PC: variants seen among roughly 807,000 people sequenced by gnomAD.
PC encodes pyruvate carboxylase.
A neutral mutation model predicts 107.8 loss-of-function variants in PC; 46 were observed. The ratio of observed to expected loss-of-function variants is 0.43; its 90% CI spans 0.34 to 0.55. The LOEUF (loss-of-function observed/expected upper bound fraction) is 0.55. PC is among the 20% of genes least tolerant of loss of function. The pLI is 0.04. For synonymous variants in PC, 662 were observed against 684.7 expected (o/e 0.97, Z 0.52); for missense variants, 1,241 against 1,643.1 (o/e 0.76, Z 4.23).
rs1440597243 is a variant in PC, at chr11:66,872,121, G to A, written c.39C>T (p.Leu13=). 1 of 1,579,494 alleles carries A rather than the reference G, an allele frequency of 6.3e-7. No homozygotes were observed. Among genetic ancestry groups the A allele is most frequent in the South Asian group, 1.2e-5 (1 of 86,134 alleles). ...KFRTVHGGLR[L]LGIRRTSTAP... ...CGGTGGAGGTTCGGCGGATTCCCAG[G>A]AGCCTCAGGCCCCCATGGACTGTTC... The change falls in exon 4 of 23, where the codon CTC becomes CTT. Residue 13 remains leucine (L), a synonymous_variant. Transcript: ENST00000393960.
intron 13 of PC, 98 bp downstream of exon 13, chr11:66,853,141 A>C: frequency 7.2e-7 from 1 of 1,394,138 alleles, no homozygotes; most frequent in Non-Finnish European, 9.9e-7. Flanking sequence ...GGGGGCACTA[A>C]GGAGTTCTTT....
rs1458364351 is a variant in PC at position 66,866,724 on chromosome 11, A to G, written c.1023-375T>C. 1.3e-5 allele frequency among the ~76,000 whole-genome samples: 2 copies of G among 152,170 alleles called. No homozygotes were observed. Among genetic ancestry groups the G allele is most frequent in the Non-Finnish European group, 2.9e-5 (2 of 68,022 alleles). On this transcript the variant is annotated intron_variant, in intron 10 of 22. Coordinates refer to ENST00000393960, the MANE Select transcript of PC (RefSeq NM_001040716.2). The surrounding 1 kb of genome is among the most constrained non-coding windows in gnomAD (Gnocchi z 5.4). ...CCACTCCCCTAAACTCCCCCTTGGT[A>G]AAGCCTAGATTTGAAGCCTCAGCAG...
Position 66,853,264 on chromosome 11 carries a change from C to G in PC, c.1488G>C (p.Arg496=). ...ELFQLRPAQN[R]AQKLLHYLGH... ...CGAGGTAGTGCAACAGCTTTTGGGC[C>G]CGGTTCTGTGCAGGCCGCAGCTGGA... Residue 496 remains arginine (R), a synonymous_variant, in exon 13 of 23, where the codon CGG becomes CGC. Coordinates refer to ENST00000393960, the MANE Select transcript of PC (RefSeq NM_001040716.2). 1 of 1,613,940 alleles carries G rather than the reference C, an allele frequency of 6.2e-7. No individual in the cohort carries two copies. The highest frequency in any genetic ancestry group is 1.3e-5 in the African/African-American group (1 of 74,960).
At chr11:66,890,878 C>T (rs886530188) in intron 3 of PC, among the ~76,000 whole-genome samples, 13 of 151,942 alleles carry the variant, frequency 8.6e-5, no homozygotes, top group African/African-American at 2.9e-4. Context: ...TGAAGCTGGG[C>T]GACAGGTACA....
chr11:66,928,634 T>C (rs1948777051), intron 3 of PC, among the ~76,000 whole-genome samples: 1 of 152,116 alleles, frequency 6.6e-6, no homozygotes, highest in African/African-American at 2.4e-5. Flanking sequence ...CAAGCGATTC[T>C]CTGGTCTCAG....
chr11:66,872,178 G>A lies in PC; in HGVS notation c.1-19C>T, dbSNP rs778079075. 10 of 1,570,528 alleles carry A rather than the reference G, an allele frequency of 6.4e-6. No individual in the cohort carries two copies. In the Admixed American group the frequency reaches 1.9e-4, roughly 29 times the overall value. ...TCAGCATCTAGGGAGGGAAGTTAGA[G>A]CCCAGGTTAGCGCAGCCTCAGCACT... On this transcript the variant is annotated intron_variant, in intron 3 of 22. Transcript: ENST00000393960.
intron 1 of PC, chr11:66,957,908 G>A (rs1949606896): frequency 1.3e-5 from 2 of 152,270 alleles, no homozygotes; most frequent in Admixed American, 1.3e-4. Context: ...CATCCAGTAC[G>A]ATGGGGACAA....
At chr11:66,933,153 G>A (rs1167520647) in intron 3 of PC, among the ~76,000 whole-genome samples, 1 of 152,018 alleles carries the variant, frequency 6.6e-6, no homozygotes, top group Non-Finnish European at 1.5e-5. Context: ...TACCCTGAAG[G>A]TGTCTCTCTC....
Position 66,854,115 on chromosome 11 carries a change from A to G in PC, c.1369-732T>C, listed in dbSNP as rs540425533. On this transcript the variant is annotated intron_variant, in intron 12 of 22. Coordinates refer to ENST00000393960, the MANE Select transcript of PC (RefSeq NM_001040716.2). Reference sequence around the variant, plus strand: ...CTGCATCCCATCACCCTCATCACCCACTCCTCCCATGCCACTGGTCAAGCC... The same window carrying G: ...CTGCATCCCATCACCCTCATCACCCGCTCCTCCCATGCCACTGGTCAAGCC... Among the ~76,000 whole-genome samples, 61 of 149,600 alleles carry G rather than the reference A, an allele frequency of 4.1e-4. 2 individuals carry two copies. The South Asian group carries it at 0.013, about 32-fold the overall frequency.
At chr11:66,896,653 G>C (rs1239889247) in intron 3 of PC, among the ~76,000 whole-genome samples, 3 of 152,228 alleles carry the variant, frequency 2.0e-5, no homozygotes, top group Non-Finnish European at 4.4e-5. Flanking sequence ...CACTCTTACT[G>C]ATGAGAGGGC....
chr11:66,908,238 T>C (rs1948225525), intron 3 of PC, among the ~76,000 whole-genome samples: 1 of 152,054 alleles, frequency 6.6e-6, no homozygotes, highest in Admixed American at 6.6e-5. Flanking sequence ...GAAGATTCAA[T>C]GGGGAGAAGA....
chr11:66,870,752 G>C lies in PC; in HGVS notation c.751+23C>G, dbSNP rs370579267. The C allele has an allele frequency of 2.5e-4, 397 of 1,594,114 alleles. No individual in the cohort carries two copies. The highest frequency in any genetic ancestry group is 3.0e-4 in the Non-Finnish European group (351 of 1,165,578). ...TCAGCTCCCGCCTCCAGCTGCCCCAGGCGGGGCGTCAGGACCACTCACCCA... is the reference window on the plus strand; with the variant it reads ...TCAGCTCCCGCCTCCAGCTGCCCCACGCGGGGCGTCAGGACCACTCACCCA... On this transcript the variant is annotated intron_variant, in intron 8 of 22. Coordinates refer to ENST00000393960, the MANE Select transcript of PC (RefSeq NM_001040716.2). This position sits in a 1 kb window ranked among gnomAD's most constrained non-coding sequence, Gnocchi z 6.1.
intron 3 of PC, among the ~76,000 whole-genome samples, chr11:66,883,453 G>A (rs999365425): frequency 1.3e-5 from 2 of 152,154 alleles, no homozygotes; most frequent in African/African-American, 4.8e-5. Context: ...AGTAGGCTCA[G>A]GAATGCCTTC....
Position 66,848,521 on chromosome 11 carries a change from G to T in PC, c.*378C>A, listed in dbSNP as rs1945284471. 1.7e-6 allele frequency: 1 copy of T among 588,568 alleles called. No individual in the cohort carries two copies. Among genetic ancestry groups the T allele is most frequent in the South Asian group, 2.1e-5 (1 of 47,126 alleles). 36.5% of individuals were successfully genotyped at this position (588,568 alleles called of 1,614,324 possible). On this transcript the variant is annotated 3_prime_UTR_variant, in exon 23 of 23. Coordinates refer to ENST00000393960, the MANE Select transcript of PC (RefSeq NM_001040716.2). The stretch of plus-strand genomic sequence containing the variant: ...CTGGGGGCTGCACAGGATCCAGCAT[G>T]GAGGGCAGGGGAAAGCCAGCTTTAT...
Position 66,850,872 on chromosome 11 carries a change from G to A in PC, c.2275C>T (p.Leu759Phe), listed in dbSNP as rs746183641. The A allele has an allele frequency of 1.2e-6, 2 of 1,611,442 alleles. No homozygotes were observed. Among genetic ancestry groups the A allele is most frequent in the East Asian group, 4.5e-5 (2 of 44,888 alleles). ...GGGAGGTCGGGGAAGCGGTCCCGGA[G>A]GGAGCTGACCAGCATGGTGCAGGCC... is the stretch of plus-strand genomic sequence containing the variant. Reference protein sequence around the residue: ...PTACTMLVSSLRDRFPDLPLH... With the variant: ...PTACTMLVSSFRDRFPDLPLH... Residue 759 changes from leucine to phenylalanine, a missense_variant, in exon 18 of 23, where the codon CTC becomes TTC. Around this residue, in one of 2 missense-constraint regions of PC, gnomAD observed 1,143 missense variants for 1,551.9 expected, o/e 0.74. Coordinates refer to ENST00000393960, the MANE Select transcript of PC (RefSeq NM_001040716.2).
In PC at chr11:66,945,422, G is replaced by C. The variant is rs1367058248; in HGVS notation, c.-1+7008C>G. On this transcript the variant is annotated intron_variant, in intron 3 of 22. Transcript: ENST00000393960. ...ATTAACTGAATTCAAATGGTTTGGGGGGGCGGGTCGGAACTGCAGAGTTAC... is the reference window on the plus strand; with the variant it reads ...ATTAACTGAATTCAAATGGTTTGGGCGGGCGGGTCGGAACTGCAGAGTTAC... 1.5e-4 allele frequency among the ~76,000 whole-genome samples: 15 copies of C among 97,386 alleles called. 4 individuals are homozygous for C. The highest frequency in any genetic ancestry group is 6.1e-4 in the African/African-American group (15 of 24,494). The allele number at this position is 97,386 out of a possible 152,430, so 63.9% of individuals were successfully genotyped here.
At chr11:66,860,631 CAGGGCTGCGGCCA>C (rs1946206478) in intron 12 of PC, 1 of 701,746 alleles carries the variant, frequency 1.4e-6, no homozygotes, top group Non-Finnish European at 2.6e-6. Context: ...AGGGGCGGCC[CAGGGCTGCGGCCA>C]AGGGCTGTGC....
chr11:66,939,804 CAAAAAAAAA>C (rs56761659), intron 3 of PC, among the ~76,000 whole-genome samples: 1 of 40,162 alleles, frequency 2.5e-5, no homozygotes, highest in South Asian at 1.5e-3. Flanking sequence ...AACTCCGTCT[CAAAAAAAAA>C]AAAAAAAAAA....
chr11:66,944,535 C>T lies in PC; in HGVS notation c.-1+7895G>A, dbSNP rs1471650758. On this transcript the variant is annotated intron_variant, in intron 3 of 22. Coordinates refer to ENST00000393960, the MANE Select transcript of PC (RefSeq NM_001040716.2). ...CAGGGGTTGCAGTGAGCCGAGATTGCACCACTGCATCCATCCTGGGTGACA... is the reference window on the plus strand; with the variant it reads ...CAGGGGTTGCAGTGAGCCGAGATTGTACCACTGCATCCATCCTGGGTGACA... 3.5e-5 allele frequency among the ~76,000 whole-genome samples: 4 copies of T among 114,914 alleles called. 2 individuals are homozygous for T. Among genetic ancestry groups the T allele is most frequent in the Non-Finnish European group, 7.7e-5 (4 of 52,058 alleles). 75.4% of individuals were successfully genotyped at this position (114,914 alleles called of 152,430 possible). A position where few individuals can be genotyped will look rare whatever the true frequency, so the allele number is the denominator to read the frequency against.
Sources: gnomAD v4.1 joint callset for allele counts (sites outside exome capture counted in the v4.1 genomes callset) on GRCh38, gnomAD v4.1.1 for gene constraint, gnomAD v4.1.1 regional missense constraint, Gnocchi (gnomAD v3.1) non-coding constraint, MANE v1.5 for transcripts, NCBI Gene and HGNC (gene_info 2026-07-23, HGNC 2026-07-21) for gene names.